Variants in CCDC73 observed in about 807,000 individuals in gnomAD.
The protein encoded by CCDC73 is coiled-coil domain-containing protein 73.
Under a neutral mutation model 116.5 loss-of-function variants are expected in CCDC73, and 95 were observed. The ratio of observed to expected loss-of-function variants is 0.82; its 90% CI spans 0.69 to 0.97. The LOEUF is 0.97. Among genes scored for constraint, CCDC73 ranks in the 50% least tolerant of loss-of-function variants. CCDC73 has a pLI of 0.00. For missense variants in CCDC73, 1,066 were observed against 1,206.8 expected (o/e 0.88, Z 1.73); for synonymous variants, 398 against 401.3 (o/e 0.99, Z 0.10).
rs557100160 is a variant in CCDC73 at position 32,759,949 on chromosome 11, T to C, written c.135+160A>G. Among the ~76,000 whole-genome samples the C allele has an allele frequency of 2.6e-5, 4 of 152,318 alleles. No individual in the cohort carries two copies. In the South Asian group the frequency reaches 8.3e-4, roughly 32 times the overall value. ...ATTCTTATTTCCCATTCCCTGATCATTTACTTAATCTGTCCTATTCTCTTT... is the reference window on the plus strand; with the variant it reads ...ATTCTTATTTCCCATTCCCTGATCACTTACTTAATCTGTCCTATTCTCTTT... On this transcript the variant is annotated intron_variant, in intron 2 of 17. Transcript: ENST00000335185.
intron 7 of CCDC73, chr11:32,680,913 C>T (rs1450770612): frequency 6.6e-6 from 1 of 151,832 alleles, no homozygotes; most frequent in African/African-American, 2.4e-5. Flanking sequence ...ATATCCTTAC[C>T]TTTTCAGTTG....
intron 17 of CCDC73, among the ~76,000 whole-genome samples, chr11:32,606,806 CTTTTT>C (rs10591021): frequency 1.3e-4 from 13 of 101,056 alleles, no homozygotes; most frequent in African/African-American, 2.4e-4. Flanking sequence ...AAAATAAATT[CTTTTT>C]TTTTTTTTTT....
At position 32,785,560 on chromosome 11, in the gene CCDC73, C is replaced by T. The variant is rs115598757; in HGVS notation, c.-16+9053G>A. On this transcript the variant is annotated intron_variant, in intron 1 of 17. Coordinates refer to ENST00000335185, the MANE Select transcript of CCDC73 (RefSeq NM_001008391.4). ...GGGACTGTAGGCATGTGTCACCATA[C>T]CCAGTGAATTTTTTATTTTTTTTAG... Among the ~76,000 whole-genome samples the T allele has an allele frequency of 7.3e-3, 1,106 of 152,056 alleles. 17 individuals are homozygous for T. The highest frequency in any genetic ancestry group is 0.026 in the African/African-American group (1,058 of 41,476).
At chr11:32,733,075 T>C (rs1242380876) in intron 2 of CCDC73, among the ~76,000 whole-genome samples, 1 of 152,062 alleles carries the variant, frequency 6.6e-6, no homozygotes, top group African/African-American at 2.4e-5. Context: ...TGGAGGAAGA[T>C]CTACCAAGCA....
intron 12 of CCDC73, among the ~76,000 whole-genome samples, chr11:32,642,440 A>G (rs1855741789): frequency 6.6e-6 from 1 of 152,042 alleles, no homozygotes; most frequent in East Asian, 1.9e-4. Flanking sequence ...TTTAACTACC[A>G]TAGAACATTT....
At chr11:32,690,514 G>T (rs1349863678) in intron 6 of CCDC73, among the ~76,000 whole-genome samples, 2 of 152,160 alleles carry the variant, frequency 1.3e-5, no homozygotes, top group South Asian at 2.1e-4. Context: ...GGGGCCTGGT[G>T]GGAGGTGACT....
chr11:32,613,751 T>C lies in CCDC73; in HGVS notation c.2567A>G (p.Lys856Arg), dbSNP rs774631393. 2 of 1,613,926 alleles carry C rather than the reference T, an allele frequency of 1.2e-6. No homozygotes were observed. The highest frequency in any genetic ancestry group is 1.7e-6 in the Non-Finnish European group (2 of 1,179,956). ...CTCCAGCTGTCCTTCACTGAACATT[T>C]TTCCTGAAACAATGTCATTTAATGA... is the stretch of plus-strand genomic sequence containing the variant. ...TESLNDIVSG[K>R]MFSEGQLEES... The change falls in exon 16 of 18, where the codon AAA becomes AGA. Residue 856 changes from lysine to arginine, a missense_variant. Lys to Arg is a conservative substitution (Grantham distance 26). Transcript: ENST00000335185.
At chr11:32,811,685 G>A in the CCDC73 span, among the ~76,000 whole-genome samples, 1 of 152,020 alleles carries the variant, frequency 6.6e-6, no homozygotes, top group Non-Finnish European at 1.5e-5. Flanking sequence ...AGAGCAAGCA[G>A]GAGAGACAGG....
intron 2 of CCDC73, among the ~76,000 whole-genome samples, chr11:32,739,494 G>C (rs1216516830): frequency 6.6e-6 from 1 of 151,922 alleles, no homozygotes; most frequent in Non-Finnish European, 1.5e-5. Flanking sequence ...TTCTTTTTCA[G>C]ATTGCTTGCT....
At chr11:32,796,545 T>G (rs1032476185), upstream of CCDC73, among the ~76,000 whole-genome samples, 6 of 152,204 alleles carry the variant, frequency 3.9e-5, no homozygotes, top group African/African-American at 1.2e-4. Context: ...CACCTCTGAA[T>G]GCCCTCCTAA....
At position 32,675,934 on chromosome 11, in the gene CCDC73, C is replaced by T. The variant is rs1247697628; in HGVS notation, c.517G>A (p.Gly173Ser). Residue 173 changes from glycine (G) to serine (S), a missense_variant, in exon 8 of 18, where the codon GGT becomes AGT. By Grantham distance (56) the Gly-to-Ser change is moderately conservative. Coordinates refer to ENST00000335185, the MANE Select transcript of CCDC73 (RefSeq NM_001008391.4). ...EIEKYYATITGQFGLVKENHE... is the reference protein window; with the variant it reads ...EIEKYYATITSQFGLVKENHE... ...TTCTCTTTTACCAATCCAAATTGAC[C>T]TGTTATTGTGGCATAATATTTCTCA... 2 of 1,608,766 alleles carry T rather than the reference C, an allele frequency of 1.2e-6. No homozygotes were observed.
At chr11:32,662,631 G>A (rs1855941653) in intron 9 of CCDC73, among the ~76,000 whole-genome samples, 1 of 151,676 alleles carries the variant, frequency 6.6e-6, no homozygotes. Context: ...TTCCCATTCT[G>A]TAGGTTGCCT....
rs1565088893 is a variant in CCDC73, at chr11:32,736,976, A to ATATATATG, written c.136-18837_136-18830dup. Among the ~76,000 whole-genome samples the ATATATATG allele has an allele frequency of 7.4e-5, 11 of 149,602 alleles. No homozygotes were observed. In the South Asian group the frequency reaches 1.7e-3, roughly 23 times the overall value. On this transcript the variant is annotated intron_variant, in intron 2 of 17. Transcript: ENST00000335185. ...TATACACACATATACATATATATAC[A>ATATATATG]TATATATGTATATATGTATATATAT... is the stretch of plus-strand genomic sequence containing the variant.
At chr11:32,617,038 C>A (rs1377708020) in intron 14 of CCDC73, among the ~76,000 whole-genome samples, 1 of 152,114 alleles carries the variant, frequency 6.6e-6, no homozygotes. Context: ...TATAGCGATA[C>A]TTAAGAGCAA....
At chr11:32,693,954 T>C (rs1466430104) in intron 6 of CCDC73, among the ~76,000 whole-genome samples, 1 of 152,116 alleles carries the variant, frequency 6.6e-6, no homozygotes, top group Non-Finnish European at 1.5e-5. Flanking sequence ...CCACAGCCAA[T>C]ATCATACTGA....
At chr11:32,792,783 C>T (rs1850688411) in intron 1 of CCDC73, among the ~76,000 whole-genome samples, 2 of 152,214 alleles carry the variant, frequency 1.3e-5, no homozygotes, top group African/African-American at 4.8e-5. Flanking sequence ...TCAATTCTAG[C>T]TCCACCACTT....
chr11:32,822,878 A>T, the CCDC73 span, among the ~76,000 whole-genome samples: 1 of 152,194 alleles, frequency 6.6e-6, no homozygotes, highest in African/African-American at 2.4e-5. Context: ...CATCTTAAGA[A>T]TTAATTCATT....
chr11:32,809,112 G>A, the CCDC73 span, among the ~76,000 whole-genome samples: 1 of 152,180 alleles, frequency 6.6e-6, no homozygotes, highest in Non-Finnish European at 1.5e-5. Flanking sequence ...AACTAATATG[G>A]TAGAGAAACG....
At position 32,637,370 on chromosome 11, in the gene CCDC73, C is replaced by T. The variant is rs1325856400; in HGVS notation, c.1051-1540G>A. Among the ~76,000 whole-genome samples, 3 of 152,228 alleles carry T rather than the reference C, an allele frequency of 2.0e-5. No homozygotes were observed. In the East Asian group the frequency reaches 5.8e-4, roughly 29 times the overall value. The stretch of plus-strand genomic sequence containing the variant: ...ACTTTCAAATTCTAACCTCCCATCA[C>T]TCCTTAATACCCTGACTTCTGCCCT... On this transcript the variant is annotated intron_variant, in intron 13 of 17. Coordinates refer to ENST00000335185, the MANE Select transcript of CCDC73 (RefSeq NM_001008391.4).
Sources: allele counts gnomAD v4.1 joint callset (sites outside exome capture counted in the v4.1 genomes callset), GRCh38; gene constraint gnomAD v4.1.1; transcripts MANE v1.5; gene names NCBI Gene and HGNC (gene_info 2026-07-23, HGNC 2026-07-21).